Variants in FAH observed in about 807,000 individuals in gnomAD.
The protein encoded by FAH is fumarylacetoacetase.
A neutral mutation model predicts 55.8 loss-of-function variants in FAH; 47 were observed. The observed-to-expected ratio is 0.84, with a 90% CI of 0.67 to 1.07. FAH has a LOEUF of 1.07. Ranked by LOEUF, FAH falls within the 50% of genes least tolerant of loss-of-function variation. FAH has a pLI of 0.00. For synonymous variants in FAH, 199 were observed against 207.7 expected, an observed-to-expected ratio of 0.96 and a Z score of 0.36; for missense variants, 495 against 545.9, an observed-to-expected ratio of 0.91 and a Z score of 0.93.
chr15:80,183,287 C>T (rs904330743), intron 13 of FAH, among the ~76,000 whole-genome samples: 1 of 152,132 alleles, frequency 6.6e-6, no homozygotes, highest in African/African-American at 2.4e-5. Flanking sequence ...AGAGGAGAGG[C>T]ATACATTATG....
rs2041138159 is a variant in FAH at position 80,160,402 on chromosome 15, T to A, written c.315-8T>A. The A allele has an allele frequency of 1.2e-6, 2 of 1,614,074 alleles. No individual in the cohort carries two copies. Among genetic ancestry groups the A allele is most frequent in the Non-Finnish European group, 1.7e-6 (2 of 1,180,010 alleles). On this transcript the variant is annotated splice_polypyrimidine_tract_variant and splice_region_variant and intron_variant, in intron 3 of 13. Transcript: ENST00000561421. ...CTTGACTTTGAAGCCCCTGGTTCTGTGTTTCAGTGCATTCATCTCCCAGGC... is the reference window on the plus strand; with the variant it reads ...CTTGACTTTGAAGCCCCTGGTTCTGAGTTTCAGTGCATTCATCTCCCAGGC...
chr15:80,168,233 C>T lies in FAH; in HGVS notation c.554-31C>T, dbSNP rs147452688. ...AGTTCTGTGGCCTCACTCACAGCACCGTTTTTTTTTTTTTTCTGGTGTTAT... is the reference window on the plus strand; with the variant it reads ...AGTTCTGTGGCCTCACTCACAGCACTGTTTTTTTTTTTTTTCTGGTGTTAT... On this transcript the variant is annotated intron_variant, in intron 6 of 13. Coordinates refer to ENST00000561421, the MANE Select transcript of FAH (RefSeq NM_000137.4). The T allele has an allele frequency of 1.2e-5, 19 of 1,590,550 alleles. No individual in the cohort carries two copies. In the East Asian group the frequency reaches 1.3e-4, roughly 11 times the overall value.
chr15:80,154,633 A>C (rs911644441), intron 1 of FAH, among the ~76,000 whole-genome samples: 1 of 152,200 alleles, frequency 6.6e-6, no homozygotes, highest in Non-Finnish European at 1.5e-5. Flanking sequence ...TGCCAAGGCA[A>C]AACCTCCCTT....
At chr15:80,165,892 A>C (rs898520229) in intron 5 of FAH, 10 of 152,346 alleles carry the variant, frequency 6.6e-5, no homozygotes, top group African/African-American at 2.4e-4. Flanking sequence ...TTGGTGGTGC[A>C]TGGTGACTTG....
chr15:80,186,375 G>A (rs2041371897), downstream of FAH: 4 of 696,152 alleles, frequency 5.7e-6, no homozygotes, highest in South Asian at 1.5e-5. Context: ...ACTTATGATC[G>A]TGATTTGATC....
chr15:80,182,602 G>C (rs2041340427), intron 13 of FAH, among the ~76,000 whole-genome samples: 1 of 152,180 alleles, frequency 6.6e-6, no homozygotes, highest in South Asian at 2.1e-4. Context: ...CATATTGCAG[G>C]CATGTCCACC....
At chr15:80,184,755 A>G (rs565150810) in intron 13 of FAH, among the ~76,000 whole-genome samples, 1 of 152,196 alleles carries the variant, frequency 6.6e-6, no homozygotes, top group Admixed American at 6.5e-5. Flanking sequence ...GGACAGCCTC[A>G]CTGAACAGAT....
chr15:80,156,035 C>T, intron 1 of FAH: 4 of 382,508 alleles, frequency 1.0e-5, no homozygotes, highest in South Asian at 8.1e-5. Context: ...TGCGGGCAGG[C>T]CTGGATAATA....
intron 5 of FAH, 131 bp downstream of exon 5, chr15:80,162,467 C>T (rs545994330): frequency 1.7e-4 from 136 of 798,174 alleles, no homozygotes; most frequent in Admixed American, 3.9e-4. Context: ...GATGTTGCAA[C>T]CTCTGGAAGC....
intron 7 of FAH, chr15:80,168,567 G>A (rs182043666): frequency 2.4e-5 from 14 of 573,248 alleles, no homozygotes; most frequent in African/African-American, 2.2e-4. Flanking sequence ...CAGAGCTTTT[G>A]TGGGCATGTG....
At chr15:80,158,016 G>A (rs2041113525) in intron 1 of FAH, 44 bp from the exon 2 acceptor site, 1 of 1,477,864 alleles carries the variant, frequency 6.8e-7, no homozygotes, top group Admixed American at 1.7e-5. Flanking sequence ...GCCAAGCCCA[G>A]CCAGGGGCTT....
At chr15:80,154,526 C>T (rs1415490741) in intron 1 of FAH, among the ~76,000 whole-genome samples, 2 of 152,214 alleles carry the variant, frequency 1.3e-5, no homozygotes, top group Non-Finnish European at 2.9e-5. Context: ...GGAGAGTTGG[C>T]CCTTTGGCCT....
At chr15:80,174,078 C>T (rs1595895108) in intron 9 of FAH, among the ~76,000 whole-genome samples, 3 of 152,142 alleles carry the variant, frequency 2.0e-5, no homozygotes, top group African/African-American at 7.2e-5. Flanking sequence ...TCCTGTGGGG[C>T]TTTCACCCTC....
chr15:80,180,030 G>T, intron 11 of FAH, 94 bp from the exon 12 acceptor site: 1 of 896,622 alleles, frequency 1.1e-6, no homozygotes, highest in South Asian at 1.4e-5. Flanking sequence ...GCCAGGGAAG[G>T]CGGTCGTGAG....
At chr15:80,177,402 G>A (rs944328989) in intron 10 of FAH, 135 bp from the exon 11 acceptor site, 21 of 821,146 alleles carry the variant, frequency 2.6e-5, no homozygotes, top group Non-Finnish European at 3.7e-5. Context: ...TGTCCTAGGA[G>A]CTAATTGTTT....
At chr15:80,171,945 G>A (rs956438371) in intron 7 of FAH, among the ~76,000 whole-genome samples, 4 of 152,178 alleles carry the variant, frequency 2.6e-5, no homozygotes, top group Admixed American at 6.5e-5. Flanking sequence ...GCCGATGGCG[G>A]GGGCAGGGCA....
At position 80,153,116 on chromosome 15, in the gene FAH, T is replaced by A. The variant is rs2041065948; in HGVS notation, c.62T>A (p.Val21Asp). Residue 21 changes from valine (V) to aspartate (D), a missense_variant, in exon 1 of 14, where the codon GTC becomes GAC. Val to Asp is a radical substitution (Grantham distance 152). Coordinates refer to ENST00000561421, the MANE Select transcript of FAH (RefSeq NM_000137.4). ...CCCATCCACAACCTGCCCTACGGCG[T>A]CTTCTCGACCAGAGGCGACGTGAGC... is the stretch of plus-strand genomic sequence containing the variant. ...DFPIHNLPYG[V>D]FSTRGDPRPR... 6.2e-7 allele frequency: 1 copy of A among 1,612,422 alleles called. No individual in the cohort carries two copies. The highest frequency in any genetic ancestry group is 1.1e-5 in the South Asian group (1 of 91,062).
At chr15:80,182,373 T>G (rs914343875) in intron 13 of FAH, among the ~76,000 whole-genome samples, 7 of 152,156 alleles carry the variant, frequency 4.6e-5, no homozygotes, top group African/African-American at 1.4e-4. Flanking sequence ...GAGAGCAAAG[T>G]TTAGTCCAAG....
At chr15:80,153,649 C>G (rs1383920561) in intron 1 of FAH, among the ~76,000 whole-genome samples, 1 of 152,196 alleles carries the variant, frequency 6.6e-6, no homozygotes, top group Non-Finnish European at 1.5e-5. Flanking sequence ...GCAAGTGTCT[C>G]TGCCTATAGC....
Sources: allele counts gnomAD v4.1 joint callset (sites outside exome capture counted in the v4.1 genomes callset), GRCh38; gene constraint gnomAD v4.1.1; transcripts MANE v1.5; gene names NCBI Gene and HGNC (gene_info 2026-07-23, HGNC 2026-07-21).